Variants in MRPL48 observed in about 807,000 individuals in gnomAD.
MRPL48 encodes mitochondrial ribosomal protein L48.
Under a neutral mutation model 32.9 loss-of-function variants are expected in MRPL48, and 16 were observed. That is an observed-to-expected ratio of 0.49 (90% confidence interval 0.33 to 0.74). The LOEUF (loss-of-function observed/expected upper bound fraction) is 0.74. Ranked by LOEUF, MRPL48 falls within the 30% of genes least tolerant of loss-of-function variation. The pLI, the probability that MRPL48 is intolerant of heterozygous loss-of-function variation, is 0.02. For missense variants in MRPL48, 206 were observed against 245.3 expected, an observed-to-expected ratio of 0.84 and a Z score of 1.07; for synonymous variants, 94 against 89.2, an observed-to-expected ratio of 1.05 and a Z score of -0.31.
At chr11:73,847,704 A>C (rs1271345180) in intron 5 of MRPL48, among the ~76,000 whole-genome samples, 1 of 152,048 alleles carries the variant, frequency 6.6e-6, no homozygotes, top group Non-Finnish European at 1.5e-5. Flanking sequence ...TCGGCCTCCC[A>C]AAGTGCTGGG....
chr11:73,819,647 C>G (rs931093548), intron 3 of MRPL48, among the ~76,000 whole-genome samples: 1 of 152,120 alleles, frequency 6.6e-6, no homozygotes, highest in Non-Finnish European at 1.5e-5. Context: ...TAGTAAATAT[C>G]TATATTTTAA....
intron 1 of MRPL48, among the ~76,000 whole-genome samples, chr11:73,794,838 G>A (rs11827239): frequency 0.23 from 34,223 of 147,514 alleles, 3,959 homozygotes; most frequent in South Asian, 0.32. Context: ...TCCGCCTCCC[G>A]GGTTCAAGCG....
intron 5 of MRPL48, chr11:73,850,494 G>T: frequency 2.9e-6 from 1 of 340,912 alleles, no homozygotes; most frequent in Non-Finnish European, 5.6e-6. Context: ...AAGTGAATTT[G>T]ACACCGTTTA....
At chr11:73,803,605 T>TA (rs1234257936) in intron 1 of MRPL48, among the ~76,000 whole-genome samples, 2 of 152,156 alleles carry the variant, frequency 1.3e-5, no homozygotes, top group African/African-American at 4.8e-5. Context: ...TCTTGACTGA[T>TA]AGTTTCTCAG....
intron 1 of MRPL48, among the ~76,000 whole-genome samples, chr11:73,803,225 T>G (rs781468929): frequency 8.6e-5 from 13 of 151,810 alleles, no homozygotes; most frequent in Non-Finnish European, 1.5e-4. Context: ...CCTCCCAGGT[T>G]CAAGCGATTC....
intron 3 of MRPL48, among the ~76,000 whole-genome samples, chr11:73,810,273 G>A (rs946855265): frequency 1.3e-5 from 2 of 152,176 alleles, no homozygotes; most frequent in Admixed American, 6.6e-5. Flanking sequence ...TGTAATCCCA[G>A]TACTTTGGCA....
chr11:73,795,829 T>C (rs1374794336), intron 1 of MRPL48, among the ~76,000 whole-genome samples: 2 of 152,132 alleles, frequency 1.3e-5, no homozygotes, highest in Non-Finnish European at 2.9e-5. Context: ...AGTAGATAAT[T>C]TAATGGTTTT....
At position 73,864,623 on chromosome 11, in the gene MRPL48, G is replaced by A. The variant is rs1214257095; in HGVS notation, c.*253G>A. ...GATGTGTATATGTATGTGTGTGTGAGAGAGAGAAATTGGCCCATCCTGTGG... is the reference window on the plus strand; with the variant it reads ...GATGTGTATATGTATGTGTGTGTGAAAGAGAGAAATTGGCCCATCCTGTGG... On this transcript the variant is annotated 3_prime_UTR_variant, in exon 8 of 8. Coordinates refer to ENST00000310614, the MANE Select transcript of MRPL48 (RefSeq NM_016055.6). The A allele has an allele frequency of 2.4e-5, 12 of 495,282 alleles. No homozygotes were observed. The highest frequency in any genetic ancestry group is 4.4e-5 in the Non-Finnish European group (12 of 274,062). 30.7% of individuals were successfully genotyped at this position (495,282 alleles called of 1,614,324 possible).
chr11:73,832,292 T>C (rs1402124574), intron 4 of MRPL48: 5 of 152,218 alleles, frequency 3.3e-5, no homozygotes, highest in Admixed American at 3.3e-4. Context: ...GTTTTTAGTG[T>C]TGATAGAAAG....
intron 3 of MRPL48, among the ~76,000 whole-genome samples, chr11:73,814,307 G>T (rs936988812): frequency 5.3e-5 from 8 of 151,744 alleles, no homozygotes; most frequent in Admixed American, 3.3e-4. Flanking sequence ...GAGGTGGGAG[G>T]ATTGCATGAG....
chr11:73,827,004 G>T (rs1032786703), intron 4 of MRPL48, among the ~76,000 whole-genome samples: 1 of 151,566 alleles, frequency 6.6e-6, no homozygotes, highest in South Asian at 2.1e-4. Flanking sequence ...TCAAACTCCC[G>T]ACCTCAGGTG....
At chr11:73,858,536 A>G (rs1948525540) in intron 5 of MRPL48, among the ~76,000 whole-genome samples, 1 of 152,126 alleles carries the variant, frequency 6.6e-6, no homozygotes, top group African/African-American at 2.4e-5. Context: ...CGGCCTCCCA[A>G]AGTGCTGAGA....
intron 4 of MRPL48, among the ~76,000 whole-genome samples, chr11:73,828,060 G>C (rs1261063695): frequency 6.6e-6 from 1 of 151,980 alleles, no homozygotes; most frequent in Admixed American, 6.6e-5. Flanking sequence ...GTTTTTATCA[G>C]ACTTTTCACA....
chr11:73,796,523 G>A (rs757820081), intron 1 of MRPL48, among the ~76,000 whole-genome samples: 1 of 152,268 alleles, frequency 6.6e-6, no homozygotes, highest in Non-Finnish European at 1.5e-5. Context: ...AGGCAGCTCA[G>A]CAGTGGCCTG....
At chr11:73,817,465 T>G (rs1404596461) in intron 3 of MRPL48, among the ~76,000 whole-genome samples, 2 of 152,206 alleles carry the variant, frequency 1.3e-5, no homozygotes, top group African/African-American at 2.4e-5. Flanking sequence ...ATTTTATACT[T>G]CTCTATTTGA....
intron 4 of MRPL48, among the ~76,000 whole-genome samples, chr11:73,840,603 G>A (rs916214381): frequency 2.0e-5 from 3 of 152,084 alleles, no homozygotes; most frequent in African/African-American, 7.2e-5. Flanking sequence ...AGGTTGAAGC[G>A]ATTCTCCTGC....
At chr11:73,862,731 T>G (rs899141055) in intron 6 of MRPL48, among the ~76,000 whole-genome samples, 1 of 152,014 alleles carries the variant, frequency 6.6e-6, no homozygotes, top group Admixed American at 6.6e-5. Flanking sequence ...CTGGGCAACA[T>G]AGCAAGACCC....
chr11:73,821,380 T>A (rs894236642), intron 3 of MRPL48, among the ~76,000 whole-genome samples: 1 of 152,150 alleles, frequency 6.6e-6, no homozygotes, highest in African/African-American at 2.4e-5. Context: ...TAAGCAGAGT[T>A]TTGTTGGCCT....
chr11:73,797,635 C>G (rs1947281564), intron 1 of MRPL48, among the ~76,000 whole-genome samples: 1 of 152,238 alleles, frequency 6.6e-6, no homozygotes, highest in South Asian at 2.1e-4. Context: ...CCTGCTGCAG[C>G]AGCCGGCATG....
Sources: allele counts gnomAD v4.1 joint callset (sites outside exome capture counted in the v4.1 genomes callset), GRCh38; gene constraint gnomAD v4.1.1; transcripts MANE v1.5; gene names NCBI Gene and HGNC (gene_info 2026-07-23, HGNC 2026-07-21).